Variants in SRGAP3 observed in about 807,000 individuals in gnomAD.
SRGAP3 encodes the protein SLIT-ROBO Rho GTPase-activating protein 3.
A neutral mutation model predicts 121.1 loss-of-function variants in SRGAP3; 39 were observed. That is an observed-to-expected ratio of 0.32 (90% confidence interval 0.25 to 0.42). The LOEUF (loss-of-function observed/expected upper bound fraction) is 0.42, where lower values mean the gene tolerates loss of function less well. Among genes scored for constraint, SRGAP3 ranks in the 10% least tolerant of loss-of-function variants. The pLI is 1.00. For synonymous variants in SRGAP3, 601 were observed against 570.0 expected (o/e 1.05, Z -0.77); for missense variants, 1,213 against 1,470.6 (o/e 0.82, Z 2.86).
chr3:9,087,124 G>GTA (rs1193541331), intron 3 of SRGAP3, among the ~76,000 whole-genome samples: 1 of 152,042 alleles, frequency 6.6e-6, no homozygotes. Context: ...ATGTGTGTGT[G>GTA]TATATATATG....
chr3:9,342,417 C>T (rs527709314), intron 1 of SRGAP3, among the ~76,000 whole-genome samples: 2 of 152,094 alleles, frequency 1.3e-5, no homozygotes, highest in Non-Finnish European at 2.9e-5. Context: ...ATGACTTTCA[C>T]GGGAATCTGA....
In SRGAP3 at chr3:9,249,479, T is replaced by C. The variant is rs1953944838; in HGVS notation, c.-528A>G. ...GTGCAGCCAGCCCCTGGCTTGCTTTTGAAGGCTCTGCTAAGTCGATGGTCA... is the reference window on the plus strand; with the variant it reads ...GTGCAGCCAGCCCCTGGCTTGCTTTCGAAGGCTCTGCTAAGTCGATGGTCA... On this transcript the variant is annotated 5_prime_UTR_variant, in exon 1 of 22. Coordinates refer to ENST00000383836, the MANE Select transcript of SRGAP3 (RefSeq NM_014850.4). The C allele has an allele frequency of 4.0e-6, 1 of 249,508 alleles. No individual in the cohort carries two copies. The highest frequency in any genetic ancestry group is 7.9e-6 in the Non-Finnish European group (1 of 127,078). The allele number at this position is 249,508 out of a possible 1,614,324, so 15.5% of individuals were successfully genotyped here.
At chr3:9,323,308 A>G (rs1955466751) in intron 3 of SRGAP3, among the ~76,000 whole-genome samples, 1 of 151,930 alleles carries the variant, frequency 6.6e-6, no homozygotes, top group African/African-American at 2.4e-5. Context: ...TACCAAAAAA[A>G]GTTAATTTTA....
rs532690477 is a variant in SRGAP3, at chr3:9,236,830, G to C, written c.67+12055C>G. On this transcript the variant is annotated intron_variant, in intron 1 of 21. Transcript: ENST00000383836. ...TCTTTTCATAGAACTATGTGTCTGA[G>C]ATGGGGATGCAAAAATTGGTGAAAT... Among the ~76,000 whole-genome samples the C allele has an allele frequency of 1.6e-4, 25 of 152,300 alleles. No homozygotes were observed. In the South Asian group the frequency reaches 5.2e-3, roughly 32 times the overall value.
chr3:9,063,999 C>T (rs550120274), intron 5 of SRGAP3, among the ~76,000 whole-genome samples: 7 of 152,290 alleles, frequency 4.6e-5, no homozygotes, highest in Middle Eastern at 6.8e-3. Flanking sequence ...TCCCACCTCA[C>T]CCCCCGCCCC....
intron 3 of SRGAP3, among the ~76,000 whole-genome samples, chr3:9,261,877 A>AAC (rs1491091156): frequency 1.5e-4 from 3 of 20,582 alleles, no homozygotes; most frequent in Non-Finnish European, 4.4e-4. Flanking sequence ...TCATATATTT[A>AAC]AAAAAAAAAA....
At chr3:9,259,112 C>T (rs1954197572) in intron 3 of SRGAP3, among the ~76,000 whole-genome samples, 1 of 152,208 alleles carries the variant, frequency 6.6e-6, no homozygotes, top group Admixed American at 6.5e-5. Context: ...ACTTGCTATT[C>T]ATTCAGATCC....
chr3:9,340,802 A>G (rs980183104), intron 1 of SRGAP3, among the ~76,000 whole-genome samples: 3 of 152,214 alleles, frequency 2.0e-5, no homozygotes, highest in Non-Finnish European at 2.9e-5. Flanking sequence ...ACGGACTGGG[A>G]GTTGCTCTAA....
At chr3:9,059,411 G>A (rs1393477329) in intron 6 of SRGAP3, 3 of 152,292 alleles carry the variant, frequency 2.0e-5, no homozygotes, top group East Asian at 1.9e-4. Context: ...CTCTCCTTGC[G>A]ATGCTGACAA....
In SRGAP3 at chr3:9,360,098, T is replaced by G. The variant is rs1317326579; in HGVS notation, n.214+2742A>C. Among the ~76,000 whole-genome samples, 3 of 152,100 alleles carry G rather than the reference T, an allele frequency of 2.0e-5. No individual in the cohort carries two copies. In the East Asian group the frequency reaches 5.8e-4, roughly 29 times the overall value. The stretch of plus-strand genomic sequence containing the variant: ...ATGAGTGCCACCACACCCAGCTACT[T>G]TCTAAATTTTTTGTAGAGACAGGTC... On this transcript the variant is annotated intron_variant and non_coding_transcript_variant, in intron 1 of 3. Transcript: ENST00000490889.
intron 3 of SRGAP3, among the ~76,000 whole-genome samples, chr3:9,323,481 CTAATT>C (rs1263448808): frequency 1.3e-5 from 2 of 151,696 alleles, no homozygotes; most frequent in Non-Finnish European, 1.5e-5. Flanking sequence ...CAGCGTTTCT[CTAATT>C]TATTTGACAA....
chr3:9,032,970 T>TA (rs1038738479), intron 11 of SRGAP3, among the ~76,000 whole-genome samples: 1 of 152,108 alleles, frequency 6.6e-6, no homozygotes, highest in African/African-American at 2.4e-5. Flanking sequence ...GAGCAACTCT[T>TA]ACATAACTCA....
chr3:9,138,271 A>G (rs1205617341), intron 1 of SRGAP3, among the ~76,000 whole-genome samples: 1 of 152,242 alleles, frequency 6.6e-6, no homozygotes, highest in East Asian at 1.9e-4. Flanking sequence ...TGGTACCACC[A>G]TAAATGGAAC....
At chr3:9,350,566 G>A (rs779426463) in intron 1 of SRGAP3, among the ~76,000 whole-genome samples, 3 of 152,260 alleles carry the variant, frequency 2.0e-5, no homozygotes, top group Non-Finnish European at 2.9e-5. Flanking sequence ...AAAAGTCTGA[G>A]TTGTAACTAT....
chr3:9,089,060 G>A (rs1029298081), intron 3 of SRGAP3, among the ~76,000 whole-genome samples: 2 of 152,040 alleles, frequency 1.3e-5, no homozygotes, highest in African/African-American at 4.8e-5. Flanking sequence ...TTACACGGGT[G>A]TTTATTGACT....
chr3:9,129,513 A>G (rs1949361210), intron 1 of SRGAP3, among the ~76,000 whole-genome samples: 2 of 149,596 alleles, frequency 1.3e-5, no homozygotes, highest in East Asian at 3.9e-4. Context: ...TTCAGAGCCC[A>G]CATAAAGCAC....
intron 13 of SRGAP3, among the ~76,000 whole-genome samples, chr3:9,026,011 T>C (rs1172654203): frequency 6.6e-6 from 1 of 152,204 alleles, no homozygotes; most frequent in African/African-American, 2.4e-5. Context: ...TTAAACAATA[T>C]TGAACTTCTG....
intron 1 of SRGAP3, among the ~76,000 whole-genome samples, chr3:9,163,093 C>G (rs990397912): frequency 1.3e-5 from 2 of 152,204 alleles, no homozygotes; most frequent in African/African-American, 4.8e-5. Flanking sequence ...TAGAACAATT[C>G]CTGGGACACA....
At chr3:9,091,591 A>T (rs1343787898) in intron 3 of SRGAP3, among the ~76,000 whole-genome samples, 2 of 152,164 alleles carry the variant, frequency 1.3e-5, no homozygotes, top group Non-Finnish European at 2.9e-5. Flanking sequence ...AAAGGCTTAA[A>T]AGGCATGTCT....
Sources: allele counts gnomAD v4.1 joint callset (sites outside exome capture counted in the v4.1 genomes callset), GRCh38; gene constraint gnomAD v4.1.1; transcripts MANE v1.5; gene names NCBI Gene and HGNC (gene_info 2026-07-23, HGNC 2026-07-21).